The following PARD6G variants were observed in gnomAD, a reference collection of about 807,000 sequenced individuals.
PARD6G encodes the protein par-6 family cell polarity regulator gamma, also known as partitioning defective 6 homolog gamma.
A neutral mutation model predicts 10.7 loss-of-function variants in PARD6G; 7 were observed. The observed-to-expected ratio is 0.66, with a 90% CI of 0.37 to 1.23. PARD6G has a LOEUF of 1.23. Ranked by LOEUF, PARD6G falls within the 50% of genes most tolerant of loss-of-function variation. The probability of loss-of-function intolerance (pLI) is 0.02; values close to 1 mark genes in which losing one functional copy is unlikely to be tolerated. For missense variants in PARD6G, 548 were observed against 571.8 expected, an observed-to-expected ratio of 0.96 and a Z score of 0.42; for synonymous variants, 287 against 269.4, an observed-to-expected ratio of 1.07 and a Z score of -0.64.
At chr18:80,174,503 C>G (rs2052796259) in intron 2 of PARD6G, among the ~76,000 whole-genome samples, 1 of 152,136 alleles carries the variant, frequency 6.6e-6, no homozygotes, top group Non-Finnish European at 1.5e-5. Context: ...ACTATGTCCA[C>G]CTGGAAGAAC....
chr18:80,161,734 C>G lies in PARD6G; in HGVS notation c.296-1128G>C, dbSNP rs2052702186. The G allele has an allele frequency of 6.6e-6, 1 of 152,202 alleles. No individual in the cohort carries two copies. Among genetic ancestry groups the G allele is most frequent in the African/African-American group, 2.4e-5 (1 of 41,444 alleles). The allele number at this position is 152,202 out of a possible 1,614,324, so 9.4% of individuals were successfully genotyped here. ...CAGCCTGCTCTTTGGGCTGGGGAGG[C>G]TCACATCTTTGCTTTGCCAGTGAAA... On this transcript the variant is annotated intron_variant, in intron 2 of 2. Transcript: ENST00000353265. The surrounding 1 kb of genome is among the most constrained non-coding windows in gnomAD (Gnocchi z 4.6).
At chr18:80,174,526 G>GA (rs1417847924) in intron 2 of PARD6G, among the ~76,000 whole-genome samples, 1 of 152,192 alleles carries the variant, frequency 6.6e-6, no homozygotes, top group Admixed American at 6.5e-5. Flanking sequence ...AGTGCACTGA[G>GA]AAAAGACTCA....
At chr18:80,225,059 A>G (rs1473324396) in intron 1 of PARD6G, among the ~76,000 whole-genome samples, 2 of 152,184 alleles carry the variant, frequency 1.3e-5, no homozygotes, top group Admixed American at 6.5e-5. Flanking sequence ...GTCAGCTACT[A>G]GTGACTAAAA....
At chr18:80,190,714 G>C (rs974269544) in intron 2 of PARD6G, among the ~76,000 whole-genome samples, 2 of 152,216 alleles carry the variant, frequency 1.3e-5, no homozygotes. Flanking sequence ...GATTTGAGGA[G>C]TGGAGGGCAG....
rs375684729 is a variant in PARD6G, at chr18:80,202,924, C to T, written c.81G>A (p.Ala27=). 2.1e-5 allele frequency: 32 copies of T among 1,560,400 alleles called. 1 individual carries two copies. Among genetic ancestry groups the T allele is most frequent in the African/African-American group, 1.4e-4 (9 of 64,448 alleles). The change falls in exon 2 of 3, where the codon GCG becomes GCA. Residue 27 remains alanine, a synonymous_variant. Transcript: ENST00000353265. ...SAVEVKSKFG[A]EFRRFSLDRH... ...GGTCCAGAGAGAACCTTCGGAATTC[C>T]GCCCCAAACTACAATGCAAGAGACG...
chr18:80,163,469 AC>A (rs1441107866), intron 2 of PARD6G, among the ~76,000 whole-genome samples: 1 of 151,300 alleles, frequency 6.6e-6, no homozygotes, highest in African/African-American at 2.4e-5. Flanking sequence ...GTTCAATTTC[AC>A]CTCCCTCTGA....
rs553851962 is a variant in PARD6G at position 80,182,146 on chromosome 18, C to T, written c.295+20564G>A. 1.3e-5 allele frequency among the ~76,000 whole-genome samples: 2 copies of T among 152,340 alleles called. No individual in the cohort carries two copies. The highest frequency in any genetic ancestry group is 4.1e-4 in the South Asian group (2 of 4,824). On this transcript the variant is annotated intron_variant, in intron 2 of 2. Transcript: ENST00000353265. The surrounding 1 kb of genome is among the most constrained non-coding windows in gnomAD (Gnocchi z 4.5). ...CAGTGCTCTGGGCCCCTCCCACTTC[C>T]ACAACTGCGACCTTGTCTTTGACCT...
intron 1 of PARD6G, among the ~76,000 whole-genome samples, chr18:80,218,332 G>A (rs1967192572): frequency 6.6e-6 from 1 of 151,798 alleles, no homozygotes; most frequent in South Asian, 2.1e-4. Flanking sequence ...ACAGGCATTG[G>A]GTAAATACAC....
At chr18:80,209,780 C>A (rs1967088669) in intron 1 of PARD6G, among the ~76,000 whole-genome samples, 1 of 152,116 alleles carries the variant, frequency 6.6e-6, no homozygotes, top group African/African-American at 2.4e-5. Context: ...CCATTGCACT[C>A]CAGCCTAGAT....
At chr18:80,191,567 T>C (rs1966898867) in intron 2 of PARD6G, among the ~76,000 whole-genome samples, 1 of 152,244 alleles carries the variant, frequency 6.6e-6, no homozygotes, top group South Asian at 2.1e-4. Flanking sequence ...AGCTCAGACA[T>C]ATGAATTTCT....
Position 80,172,900 on chromosome 18 carries a change from A to G in PARD6G, c.296-12294T>C, listed in dbSNP as rs553100338. 2.0e-5 allele frequency among the ~76,000 whole-genome samples: 3 copies of G among 152,334 alleles called. No individual in the cohort carries two copies. The South Asian group carries it at 6.2e-4, about 32-fold the overall frequency. On this transcript the variant is annotated intron_variant, in intron 2 of 2. Coordinates refer to ENST00000353265, the MANE Select transcript of PARD6G (RefSeq NM_032510.4). ...CTTTTGTTGTTATATTTAAGAAATC[A>G]TTGCCTAATGCGAAGTCACATCCCT...
rs1484629677 is a variant in PARD6G, at chr18:80,184,023, T to G, written c.295+18687A>C. Reference sequence around the variant, plus strand: ...TATGTTAGCGGTCAAAGAACTCTGTTTTTCTTGGTCCAAACCAGAGGAAAT... The same window carrying G: ...TATGTTAGCGGTCAAAGAACTCTGTGTTTCTTGGTCCAAACCAGAGGAAAT... On this transcript the variant is annotated intron_variant, in intron 2 of 2. Coordinates refer to ENST00000353265, the MANE Select transcript of PARD6G (RefSeq NM_032510.4). This position sits in a 1 kb window ranked among gnomAD's most constrained non-coding sequence, Gnocchi z 4.5. The G allele has an allele frequency of 6.6e-6, 1 of 152,322 alleles. No homozygotes were observed. Among genetic ancestry groups the G allele is most frequent in the Middle Eastern group, 3.4e-3 (1 of 294 alleles). The allele number at this position is 152,322 out of a possible 1,614,324, so 9.4% of individuals were successfully genotyped here. A position where few individuals can be genotyped will look rare whatever the true frequency, so the allele number is the denominator to read the frequency against.
intron 1 of PARD6G, among the ~76,000 whole-genome samples, chr18:80,214,962 A>C (rs948812895): frequency 6.6e-6 from 1 of 152,140 alleles, no homozygotes; most frequent in Non-Finnish European, 1.5e-5. Context: ...TGAAAGCAGC[A>C]AGAGAAAAAC....
At chr18:80,212,884 CAAA>C (rs529081644) in intron 1 of PARD6G, among the ~76,000 whole-genome samples, 1 of 147,030 alleles carries the variant, frequency 6.8e-6, no homozygotes, top group Non-Finnish European at 1.5e-5. Context: ...GACCCCATCT[CAAA>C]AAAAAAAAAT....
intron 1 of PARD6G, among the ~76,000 whole-genome samples, chr18:80,241,123 T>G (rs1967485382): frequency 6.6e-6 from 1 of 152,204 alleles, no homozygotes; most frequent in Non-Finnish European, 1.5e-5. Flanking sequence ...AGCTGTTTCT[T>G]GCAAGCTCCA....
At chr18:80,237,882 C>G (rs1486230411) in intron 1 of PARD6G, among the ~76,000 whole-genome samples, 1 of 152,106 alleles carries the variant, frequency 6.6e-6, no homozygotes, top group Non-Finnish European at 1.5e-5. Context: ...AATAGGAACA[C>G]TTTTACACTG....
intron 2 of PARD6G, among the ~76,000 whole-genome samples, chr18:80,191,289 G>A (rs1247897595): frequency 1.3e-5 from 2 of 152,184 alleles, no homozygotes; most frequent in African/African-American, 4.8e-5. Flanking sequence ...GGCAGCAGCT[G>A]CCCAGATGCG....
At chr18:80,245,463 C>G (rs1439827603) in intron 1 of PARD6G, among the ~76,000 whole-genome samples, 3 of 152,148 alleles carry the variant, frequency 2.0e-5, no homozygotes, top group African/African-American at 7.2e-5. Context: ...CACCACCGCA[C>G]AGACCTAGGC....
Position 80,247,129 on chromosome 18 carries a change from G to C in PARD6G, c.72+148C>G, listed in dbSNP as rs191391962. The C allele has an allele frequency of 3.9e-3, 1,973 of 509,530 alleles. 18 individuals are homozygous for C. Among genetic ancestry groups the C allele is most frequent in the Middle Eastern group, 0.029 (51 of 1,788 alleles). The allele number at this position is 509,530 out of a possible 1,614,324, so 31.6% of individuals were successfully genotyped here. On this transcript the variant is annotated intron_variant, in intron 1 of 2. Coordinates refer to ENST00000353265, the MANE Select transcript of PARD6G (RefSeq NM_032510.4). This position sits in a 1 kb window ranked among gnomAD's most constrained non-coding sequence, Gnocchi z 4.2. ...AGGACGGCCGGGGTCCCCAGTGCGC[G>C]TCCCGCGGAGCGGCGCGCGGCGCCC...
Sources: gnomAD v4.1 joint callset for allele counts (sites outside exome capture counted in the v4.1 genomes callset) on GRCh38, gnomAD v4.1.1 for gene constraint, Gnocchi (gnomAD v3.1) non-coding constraint, MANE v1.5 for transcripts, NCBI Gene and HGNC (gene_info 2026-07-23, HGNC 2026-07-21) for gene names.